CATSPERB: variants seen among roughly 807,000 people sequenced by gnomAD.
The protein encoded by CATSPERB is catsper channel auxiliary subunit beta.
A neutral mutation model predicts 128.3 loss-of-function variants in CATSPERB; 93 were observed. The observed-to-expected ratio is 0.72, with a 90% CI of 0.61 to 0.86. The LOEUF (loss-of-function observed/expected upper bound fraction) is 0.86, where lower values mean the gene tolerates loss of function less well. CATSPERB is among the 40% of genes least tolerant of loss of function. The probability of loss-of-function intolerance (pLI) is 0.00; values close to 1 mark genes in which losing one functional copy is unlikely to be tolerated. For synonymous variants in CATSPERB, 381 were observed against 448.8 expected (o/e 0.85, Z 1.91); for missense variants, 1,153 against 1,329.5 (o/e 0.87, Z 2.06).
chr14:91,674,976 C>G (rs1895166291), intron 11 of CATSPERB, among the ~76,000 whole-genome samples: 1 of 152,234 alleles, frequency 6.6e-6, no homozygotes, highest in South Asian at 2.1e-4. Context: ...AAGGCGTGAG[C>G]CTGGCCACTC....
intron 26 of CATSPERB, among the ~76,000 whole-genome samples, chr14:91,582,327 G>T (rs936504939): frequency 1.3e-5 from 2 of 152,192 alleles, no homozygotes; most frequent in African/African-American, 2.4e-5. Flanking sequence ...TTCCACAATT[G>T]GACCCTAACC....
intron 16 of CATSPERB, among the ~76,000 whole-genome samples, chr14:91,637,157 T>C (rs1894391317): frequency 6.6e-6 from 1 of 152,140 alleles, no homozygotes; most frequent in Non-Finnish European, 1.5e-5. Flanking sequence ...CCTGTCCTGC[T>C]TGGGGAACTT....
intron 8 of CATSPERB, 63 bp downstream of exon 8, chr14:91,693,321 G>T: frequency 1.3e-6 from 2 of 1,532,970 alleles, no homozygotes; most frequent in Non-Finnish European, 1.8e-6. Context: ...ACATTTTATA[G>T]ATATTAATCA....
chr14:91,678,851 A>G (rs1252742676), intron 11 of CATSPERB, among the ~76,000 whole-genome samples: 1 of 152,188 alleles, frequency 6.6e-6, no homozygotes, highest in African/African-American at 2.4e-5. Flanking sequence ...TGGTGGTTCA[A>G]TAAAAACAGC....
chr14:91,640,251 TA>T (rs765779246), intron 15 of CATSPERB, among the ~76,000 whole-genome samples: 1,279 of 102,732 alleles, frequency 0.012, 14 homozygotes, highest in Middle Eastern at 0.05. Flanking sequence ...TTTATTTTTT[TA>T]TTTTTTTTTT....
At chr14:91,669,741 A>G in intron 14 of CATSPERB, 73 bp downstream of exon 14, 2 of 1,397,268 alleles carry the variant, frequency 1.4e-6, no homozygotes, top group Non-Finnish European at 1.9e-6. Flanking sequence ...TCTGTTCTTA[A>G]TGTACAGCCA....
At chr14:91,605,581 C>T (rs1447565541) in intron 22 of CATSPERB, among the ~76,000 whole-genome samples, 2 of 152,108 alleles carry the variant, frequency 1.3e-5, no homozygotes, top group Admixed American at 1.3e-4. Flanking sequence ...AGCATTAGGG[C>T]CTGCTGTCCC....
At chr14:91,714,161 C>T (rs907705812) in intron 5 of CATSPERB, among the ~76,000 whole-genome samples, 10 of 151,584 alleles carry the variant, frequency 6.6e-5, no homozygotes, top group Admixed American at 4.6e-4. Flanking sequence ...TGATGAAGGG[C>T]GCCTATGTAA....
chr14:91,667,930 C>T (rs1895015949), intron 14 of CATSPERB, among the ~76,000 whole-genome samples: 1 of 152,162 alleles, frequency 6.6e-6, no homozygotes. Context: ...AAATTTGTTT[C>T]CTCTAGGACC....
chr14:91,663,028 A>G (rs1301006119), intron 14 of CATSPERB, among the ~76,000 whole-genome samples: 1 of 152,108 alleles, frequency 6.6e-6, no homozygotes, highest in Non-Finnish European at 1.5e-5. Flanking sequence ...TTCATGAAAA[A>G]GTCTCTTCCT....
rs538824341 is a variant in CATSPERB at position 91,606,258 on chromosome 14, G to A, written c.2709+2036C>T. Among the ~76,000 whole-genome samples, 5 of 152,240 alleles carry A rather than the reference G, an allele frequency of 3.3e-5. No homozygotes were observed. In the South Asian group the frequency reaches 1.0e-3, roughly 32 times the overall value. The stretch of plus-strand genomic sequence containing the variant: ...ATGCAGTAGCTATGAGATTCAGAAA[G>A]ATGCATCGTAGAAATATTTTTGGGG... On this transcript the variant is annotated intron_variant, in intron 22 of 26. Transcript: ENST00000256343.
rs186935792 is a variant in CATSPERB at position 91,599,011 on chromosome 14, C to T, written c.2710-7009G>A. Among the ~76,000 whole-genome samples, 96 of 152,210 alleles carry T rather than the reference C, an allele frequency of 6.3e-4. 1 individual carries two copies. Among genetic ancestry groups the T allele is most frequent in the African/African-American group, 2.2e-3 (90 of 41,534 alleles). Reference sequence around the variant, plus strand: ...TTAGCTTTTAAACAAAGATAACAGTCCTTTCCCAAAACAAACCTCCTTATT... The same window carrying T: ...TTAGCTTTTAAACAAAGATAACAGTTCTTTCCCAAAACAAACCTCCTTATT... On this transcript the variant is annotated intron_variant, in intron 22 of 26. Coordinates refer to ENST00000256343, the MANE Select transcript of CATSPERB (RefSeq NM_024764.4).
At chr14:91,625,413 G>C (rs1311741141) in intron 17 of CATSPERB, among the ~76,000 whole-genome samples, 13 of 152,074 alleles carry the variant, frequency 8.5e-5, no homozygotes. Flanking sequence ...ACAGAGGGGT[G>C]GGGGAGAAAG....
chr14:91,730,405 C>A (rs1896192238), intron 1 of CATSPERB, among the ~76,000 whole-genome samples: 1 of 152,162 alleles, frequency 6.6e-6, no homozygotes, highest in Non-Finnish European at 1.5e-5. Flanking sequence ...ATTAACCCTA[C>A]AGACACCTTG....
At chr14:91,597,404 C>A (rs1795276758) in intron 22 of CATSPERB, among the ~76,000 whole-genome samples, 1 of 152,050 alleles carries the variant, frequency 6.6e-6, no homozygotes, top group African/African-American at 2.4e-5. Context: ...AGCCCGAAGC[C>A]AATTACATTT....
At chr14:91,731,119 A>G (rs545112613) in intron 1 of CATSPERB, among the ~76,000 whole-genome samples, 4 of 152,330 alleles carry the variant, frequency 2.6e-5, no homozygotes, top group Middle Eastern at 3.4e-3. Flanking sequence ...AAATGATACA[A>G]CACCATTATT....
rs138687648 is a variant in CATSPERB at position 91,667,926 on chromosome 14, G to C, written c.1287+1888C>G. 1.7e-3 allele frequency among the ~76,000 whole-genome samples: 252 copies of C among 152,204 alleles called. 2 individuals are homozygous for C. The highest frequency in any genetic ancestry group is 5.6e-3 in the African/African-American group (233 of 41,506). ...TATTTTTAACCTCCTTGTCAAATTTGTTTCCTCTAGGACCAAGGCCATCAA... is the reference window on the plus strand; with the variant it reads ...TATTTTTAACCTCCTTGTCAAATTTCTTTCCTCTAGGACCAAGGCCATCAA... On this transcript the variant is annotated intron_variant, in intron 14 of 26. Coordinates refer to ENST00000256343, the MANE Select transcript of CATSPERB (RefSeq NM_024764.4).
chr14:91,604,735 C>G, intron 22 of CATSPERB: 1 of 1,613,872 alleles, frequency 6.2e-7, no homozygotes, highest in East Asian at 2.2e-5. Context: ...GGTTGCTCCA[C>G]ATTGGAAAGT....
chr14:91,701,404 G>A (rs1233545043), intron 7 of CATSPERB, among the ~76,000 whole-genome samples: 1 of 152,162 alleles, frequency 6.6e-6, no homozygotes, highest in Non-Finnish European at 1.5e-5. Flanking sequence ...ACTCTTTATG[G>A]AAAGAAAGTT....
Sources: gnomAD v4.1 joint callset for allele counts (sites outside exome capture counted in the v4.1 genomes callset) on GRCh38, gnomAD v4.1.1 for gene constraint, MANE v1.5 for transcripts, NCBI Gene and HGNC (gene_info 2026-07-23, HGNC 2026-07-21) for gene names.